RGPD4: variants seen among roughly 807,000 people sequenced by gnomAD.
RGPD4 encodes the protein ranBP2-like and GRIP domain-containing protein 4.
RGPD4 carries 84 observed loss-of-function variants against 141.1 expected under a neutral mutation model. The observed-to-expected ratio is 0.60, with a 90% CI of 0.50 to 0.71. The LOEUF is 0.71. Ranked by LOEUF, RGPD4 falls within the 30% of genes least tolerant of loss-of-function variation. RGPD4 has a pLI of 0.00. For missense variants in RGPD4, 918 were observed against 1,622.4 expected (o/e 0.57, Z 7.46); for synonymous variants, 298 against 566.8 (o/e 0.53, Z 6.74).
In RGPD4 at chr2:107,888,333, A is replaced by G. The variant is rs1369858622; in HGVS notation, c.5267-2388A>G. Among the ~76,000 whole-genome samples the G allele has an allele frequency of 2.7e-5, 4 of 148,548 alleles. No homozygotes were observed. In the East Asian group the frequency reaches 7.8e-4, roughly 29 times the overall value. Reference sequence around the variant, plus strand: ...AAATTTTTATTTTGTCAAAAATCTTATATTCAGCTTACACCATTCATTGCA... The same window carrying G: ...AAATTTTTATTTTGTCAAAAATCTTGTATTCAGCTTACACCATTCATTGCA... On this transcript the variant is annotated intron_variant, in intron 22 of 22. Coordinates refer to ENST00000408999, the MANE Select transcript of RGPD4 (RefSeq NM_182588.3).
chr2:107,861,784 C>G, intron 15 of RGPD4, 44 bp downstream of exon 15: 1 of 1,583,606 alleles, frequency 6.3e-7, no homozygotes, highest in African/African-American at 1.4e-5. Context: ...TGATAACCCA[C>G]TGGTCAGTGT....
intron 6 of RGPD4, among the ~76,000 whole-genome samples, chr2:107,846,431 A>G (rs1232592579): frequency 2.0e-5 from 3 of 151,848 alleles, no homozygotes; most frequent in Non-Finnish European, 4.4e-5. Context: ...AATGTAATCC[A>G]TTAAAAATGT....
chr2:107,835,537 C>T (rs978171256), intron 1 of RGPD4, among the ~76,000 whole-genome samples: 8 of 151,366 alleles, frequency 5.3e-5, no homozygotes, highest in African/African-American at 1.9e-4. Context: ...ACTATTGAGG[C>T]ACAGGGAATC....
chr2:107,883,752 T>C (rs1340064749), intron 22 of RGPD4, among the ~76,000 whole-genome samples: 2 of 151,842 alleles, frequency 1.3e-5, no homozygotes, highest in South Asian at 2.1e-4. Context: ...TATAGTTAAC[T>C]GAATTCAAGC....
intron 22 of RGPD4, 185 bp downstream of exon 22, chr2:107,883,058 T>G: frequency 4.0e-6 from 4 of 989,432 alleles, no homozygotes; most frequent in Non-Finnish European, 6.2e-6. Flanking sequence ...CTGTAGTACA[T>G]TTATATAATT....
chr2:107,845,641 G>A (rs375633009), intron 6 of RGPD4, among the ~76,000 whole-genome samples: 73 of 152,374 alleles, frequency 4.8e-4, no homozygotes, highest in South Asian at 2.5e-3. Context: ...TTTGTTACCC[G>A]CCTTGTGAAC....
At chr2:107,861,819 T>A (rs1040797391) in intron 15 of RGPD4, 79 bp downstream of exon 15, 3 of 1,593,330 alleles carry the variant, frequency 1.9e-6, no homozygotes, top group Non-Finnish European at 2.6e-6. Flanking sequence ...TATATTTTGG[T>A]AATTTCAAAA....
intron 1 of RGPD4, 26 bp downstream of exon 1, chr2:107,827,111 G>A (rs62159106): frequency 0.69 from 1,031,583 of 1,491,948 alleles, 366,267 homozygotes; most frequent in Middle Eastern, 0.76. Context: ...AGAGACCGAC[G>A]GCCTCGACCT....
intron 1 of RGPD4, among the ~76,000 whole-genome samples, chr2:107,833,160 T>C (rs1264506137): frequency 6.7e-6 from 1 of 149,714 alleles, no homozygotes; most frequent in East Asian, 1.9e-4. Context: ...AACAGCAGCT[T>C]TTTTGGAGGA....
chr2:107,888,554 C>T (rs1675570649), intron 22 of RGPD4, among the ~76,000 whole-genome samples: 1 of 151,734 alleles, frequency 6.6e-6, no homozygotes, highest in African/African-American at 2.4e-5. Context: ...AGTTCTTTGC[C>T]CTCATTCCCT....
intron 9 of RGPD4, among the ~76,000 whole-genome samples, chr2:107,857,714 T>C (rs187612468): frequency 2.0e-5 from 3 of 151,524 alleles, no homozygotes; most frequent in East Asian, 1.9e-4. Context: ...GGATTAAGCC[T>C]GACACAGTGG....
chr2:107,876,415 C>A (rs552945473), intron 20 of RGPD4, among the ~76,000 whole-genome samples: 1 of 151,500 alleles, frequency 6.6e-6, no homozygotes, highest in East Asian at 1.9e-4. Context: ...CTGGTATTCA[C>A]CAGATTTGTT....
intron 21 of RGPD4, among the ~76,000 whole-genome samples, chr2:107,880,828 A>G (rs1284316970): frequency 6.7e-6 from 1 of 148,934 alleles, no homozygotes; most frequent in Non-Finnish European, 1.5e-5. Flanking sequence ...TTTAAAGTAG[A>G]CACCAGAAAC....
intron 20 of RGPD4, among the ~76,000 whole-genome samples, chr2:107,875,637 G>C (rs987447812): frequency 7.0e-6 from 1 of 143,590 alleles, no homozygotes; most frequent in African/African-American, 2.7e-5. Context: ...TTGCATTAAT[G>C]GTGGCTGGGG....
At chr2:107,828,809 AGGCGGCGGCCTCGACCCGGCCC>A (rs1681346047) in intron 1 of RGPD4, among the ~76,000 whole-genome samples, 1 of 16,066 alleles carries the variant, frequency 6.2e-5, no homozygotes, top group East Asian at 6.5e-4. Context: ...CGCTCTGTTG[AGGCGGCGGCCTCGACCCGGCCC>A]GGCGGCGGCC....
rs1172650622 is a variant in RGPD4, at chr2:107,871,976, TACTC to T, written c.3974_3977del (p.Thr1325LysfsTer19). 3 of 1,611,548 alleles carry T rather than the reference TACTC, an allele frequency of 1.9e-6. No individual in the cohort carries two copies. The highest frequency in any genetic ancestry group is 2.5e-6 in the Non-Finnish European group (3 of 1,179,818). On this transcript the variant is annotated frameshift_variant, in exon 20 of 23. Transcript: ENST00000408999. LOFTEE classifies it high-confidence loss of function. ...TTGGCACTGATGAAGAATCTGATGT[TACTC>T]AAGAAGAAGAGAGAGATGGACAGTA...
chr2:107,886,799 C>T (rs548919517), intron 22 of RGPD4, among the ~76,000 whole-genome samples: 1 of 152,048 alleles, frequency 6.6e-6, no homozygotes, highest in African/African-American at 2.4e-5. Context: ...CAAACAAGTA[C>T]CTTTTACCTC....
At chr2:107,883,351 C>T (rs1332402271) in intron 22 of RGPD4, among the ~76,000 whole-genome samples, 5 of 151,572 alleles carry the variant, frequency 3.3e-5, no homozygotes, top group Admixed American at 2.0e-4. Context: ...GTGCCATAGG[C>T]CAGGCGCTGG....
At chr2:107,878,353 A>G (rs4012349) in intron 20 of RGPD4, among the ~76,000 whole-genome samples, 171 of 143,538 alleles carry the variant, frequency 1.2e-3, no homozygotes, top group African/African-American at 1.3e-3. Flanking sequence ...CAGACCTCCC[A>G]CTTCTAGACA....
Sources: allele counts gnomAD v4.1 joint callset (sites outside exome capture counted in the v4.1 genomes callset), GRCh38; gene constraint gnomAD v4.1.1; transcripts MANE v1.5; gene names NCBI Gene and HGNC (gene_info 2026-07-23, HGNC 2026-07-21).